HS3ST4: variants seen among roughly 807,000 people sequenced by gnomAD.
HS3ST4 encodes heparan sulfate glucosamine 3-O-sulfotransferase 4.
A neutral mutation model predicts 29.2 loss-of-function variants in HS3ST4; 17 were observed. The observed-to-expected ratio is 0.58, with a 90% CI of 0.40 to 0.87. The LOEUF (loss-of-function observed/expected upper bound fraction) is 0.87. Ranked by LOEUF, HS3ST4 falls within the 40% of genes least tolerant of loss-of-function variation. The pLI, the probability that HS3ST4 is intolerant of heterozygous loss-of-function variation, is 0.00. For missense variants in HS3ST4, 627 were observed against 634.5 expected (o/e 0.99, Z 0.13); for synonymous variants, 314 against 285.7 (o/e 1.10, Z -1.00).
intron 1 of HS3ST4, among the ~76,000 whole-genome samples, chr16:25,700,928 G>A (rs1025756842): frequency 2.6e-5 from 4 of 152,112 alleles, no homozygotes; most frequent in South Asian, 2.1e-4. Context: ...AAAGCAACAC[G>A]TGAATTAGAC....
rs1233480157 is a variant in HS3ST4 at position 25,930,917 on chromosome 16, AAAAC to A, written c.735-204691_735-204688del. 9.9e-5 allele frequency among the ~76,000 whole-genome samples: 15 copies of A among 151,616 alleles called. No individual in the cohort carries two copies. In the East Asian group the frequency reaches 2.9e-3, roughly 29 times the overall value. Reference sequence around the variant, plus strand: ...TTCTGAAAAAACAAAAACAAAAACAAAAACAAAAAAAAAACTCAGCTAATTTTTG... The same window carrying A: ...TTCTGAAAAAACAAAAACAAAAACAAAAAAAAAAAACTCAGCTAATTTTTG... On this transcript the variant is annotated intron_variant, in intron 1 of 1. Transcript: ENST00000331351.
At chr16:26,013,375 T>A (rs1969329781) in intron 1 of HS3ST4, among the ~76,000 whole-genome samples, 1 of 152,092 alleles carries the variant, frequency 6.6e-6, no homozygotes, top group African/African-American at 2.4e-5. Flanking sequence ...TCTATAAAAA[T>A]GGTGAAGACA....
intron 1 of HS3ST4, among the ~76,000 whole-genome samples, chr16:26,017,722 G>T (rs1254800325): frequency 6.6e-6 from 1 of 152,168 alleles, no homozygotes; most frequent in Non-Finnish European, 1.5e-5. Flanking sequence ...ATCTTCAAGA[G>T]AGAAAAAGTC....
intron 1 of HS3ST4, among the ~76,000 whole-genome samples, chr16:25,747,459 G>A (rs932792673): frequency 1.3e-5 from 2 of 152,214 alleles, no homozygotes; most frequent in Admixed American, 6.5e-5. Flanking sequence ...TCCAGAACTC[G>A]CAACCTGTGG....
intron 1 of HS3ST4, among the ~76,000 whole-genome samples, chr16:25,754,706 A>G (rs766049614): frequency 6.6e-6 from 1 of 152,124 alleles, no homozygotes; most frequent in African/African-American, 2.4e-5. Flanking sequence ...TCTCCTGAGG[A>G]CTATCACGAT....
At chr16:25,947,156 C>T (rs758085680) in intron 1 of HS3ST4, among the ~76,000 whole-genome samples, 10 of 152,146 alleles carry the variant, frequency 6.6e-5, no homozygotes, top group Non-Finnish European at 1.2e-4. Context: ...AAATCAAAGG[C>T]ATTTCATTTC....
chr16:25,715,050 C>T (rs542833195), intron 1 of HS3ST4, among the ~76,000 whole-genome samples: 18 of 152,274 alleles, frequency 1.2e-4, no homozygotes, highest in South Asian at 8.3e-4. Context: ...CGGCCGGGCG[C>T]GGTGGCTCAC....
chr16:26,082,903 G>A (rs1898741069), intron 1 of HS3ST4, among the ~76,000 whole-genome samples: 1 of 152,214 alleles, frequency 6.6e-6, no homozygotes, highest in African/African-American at 2.4e-5. Context: ...TGAGGTATGA[G>A]GATTGGTGGT....
intron 1 of HS3ST4, among the ~76,000 whole-genome samples, chr16:25,923,458 ACTTGAGG>A (rs1968374289): frequency 6.6e-6 from 1 of 152,204 alleles, no homozygotes; most frequent in African/African-American, 2.4e-5. Flanking sequence ...ATTGCCTGAC[ACTTGAGG>A]CATCTATCAA....
intron 1 of HS3ST4, among the ~76,000 whole-genome samples, chr16:25,896,251 A>G (rs984880199): frequency 1.3e-5 from 2 of 152,210 alleles, no homozygotes; most frequent in African/African-American, 4.8e-5. Flanking sequence ...GAGCCAAGTC[A>G]AAAATAATAG....
chr16:26,130,305 A>G (rs1425821207), intron 1 of HS3ST4, among the ~76,000 whole-genome samples: 1 of 152,202 alleles, frequency 6.6e-6, no homozygotes, highest in East Asian at 1.9e-4. Context: ...ATGGTCTTTC[A>G]GACAGGGATG....
rs536201752 is a variant in HS3ST4, at chr16:26,097,643, T to C, written c.735-37969T>C. 2.0e-5 allele frequency among the ~76,000 whole-genome samples: 3 copies of C among 152,304 alleles called. No individual in the cohort carries two copies. In the East Asian group the frequency reaches 5.8e-4, roughly 29 times the overall value. On this transcript the variant is annotated intron_variant, in intron 1 of 1. Transcript: ENST00000331351. ...ACTGTAGAAACCCTAGAAGCAAGCC[T>C]AGGCAATACCATTCAGGACATAGAC...
chr16:25,855,999 T>C (rs1967570901), intron 1 of HS3ST4, among the ~76,000 whole-genome samples: 1 of 151,946 alleles, frequency 6.6e-6, no homozygotes, highest in Admixed American at 6.6e-5. Context: ...TAGCCCTTTG[T>C]TATGGAGAAT....
At chr16:25,853,941 T>C (rs1441350999) in intron 1 of HS3ST4, among the ~76,000 whole-genome samples, 1 of 152,200 alleles carries the variant, frequency 6.6e-6, no homozygotes, top group African/African-American at 2.4e-5. Context: ...TGTTAATTCT[T>C]CTTGAAATGT....
intron 1 of HS3ST4, among the ~76,000 whole-genome samples, chr16:25,903,570 G>A (rs936169348): frequency 1.3e-5 from 2 of 151,870 alleles, no homozygotes; most frequent in African/African-American, 2.4e-5. Flanking sequence ...AGCAACTGAC[G>A]TTCCTTACTT....
At chr16:25,993,975 T>C (rs1969136505) in intron 1 of HS3ST4, among the ~76,000 whole-genome samples, 1 of 118,560 alleles carries the variant, frequency 8.4e-6, no homozygotes, top group Non-Finnish European at 2.0e-5. Context: ...TGTGTGTGTG[T>C]GTGTGTGTGT....
chr16:25,758,671 T>A (rs931018881), intron 1 of HS3ST4, among the ~76,000 whole-genome samples: 6 of 152,116 alleles, frequency 3.9e-5, no homozygotes, highest in African/African-American at 1.4e-4. Context: ...AGAAAGTGTT[T>A]GATTTGAAGC....
chr16:25,738,183 C>A (rs991699686), intron 1 of HS3ST4, among the ~76,000 whole-genome samples: 1 of 152,130 alleles, frequency 6.6e-6, no homozygotes, highest in African/African-American at 2.4e-5. Context: ...GGATTACAGG[C>A]GTGACCTACC....
chr16:25,766,321 G>A (rs1351690180), intron 1 of HS3ST4, among the ~76,000 whole-genome samples: 1 of 152,026 alleles, frequency 6.6e-6, no homozygotes, highest in East Asian at 1.9e-4. Flanking sequence ...AAATACAAGT[G>A]GCCAATCAGT....
Sources: allele counts gnomAD v4.1 joint callset (sites outside exome capture counted in the v4.1 genomes callset), GRCh38; gene constraint gnomAD v4.1.1; transcripts MANE v1.5; gene names NCBI Gene and HGNC (gene_info 2026-07-23, HGNC 2026-07-21).